The following BCL7B variants were observed in gnomAD, a reference collection of about 807,000 sequenced individuals.
BCL7B encodes the protein B-cell CLL/lymphoma 7 protein family member B.
A neutral mutation model predicts 26.5 loss-of-function variants in BCL7B; 11 were observed. The ratio of observed to expected loss-of-function variants is 0.42; its 90% confidence interval spans 0.26 to 0.69. The LOEUF (loss-of-function observed/expected upper bound fraction) is 0.69, where lower values mean the gene tolerates loss of function less well. BCL7B is among the 30% of genes least tolerant of loss of function. The probability of loss-of-function intolerance (pLI) is 0.28; values close to 1 mark genes in which losing one functional copy is unlikely to be tolerated. For synonymous variants in BCL7B, 111 were observed against 107.9 expected, an observed-to-expected ratio of 1.03 and a Z score of -0.18; for missense variants, 215 against 264.4, an observed-to-expected ratio of 0.81 and a Z score of 1.30.
intron 1 of BCL7B, among the ~76,000 whole-genome samples, chr7:73,556,159 T>C (rs1792353290): frequency 6.6e-6 from 1 of 152,192 alleles, no homozygotes; most frequent in Admixed American, 6.5e-5. Flanking sequence ...GTTAAACTAA[T>C]ATTTATACTG....
intron 4 of BCL7B, among the ~76,000 whole-genome samples, chr7:73,538,911 A>G (rs1554582478): frequency 6.6e-6 from 1 of 151,996 alleles, no homozygotes; most frequent in East Asian, 1.9e-4. Flanking sequence ...AGTGACATTC[A>G]TTCCAACAGT....
intron 3 of BCL7B, among the ~76,000 whole-genome samples, chr7:73,541,094 C>G (rs1791755159): frequency 6.6e-6 from 1 of 152,134 alleles, no homozygotes. Flanking sequence ...TTGCAGTGAG[C>G]TGAGATCGTG....
At chr7:73,542,340 G>T (rs1791800242) in intron 3 of BCL7B, among the ~76,000 whole-genome samples, 1 of 152,198 alleles carries the variant, frequency 6.6e-6, no homozygotes, top group Non-Finnish European at 1.5e-5. Flanking sequence ...GTTGACCTTG[G>T]TGGGGCCTGG....
In BCL7B at chr7:73,537,081, C is replaced by T. The variant is rs2115721399; in HGVS notation, c.*217G>A. On this transcript the variant is annotated 3_prime_UTR_variant, in exon 6 of 6. Transcript: ENST00000223368. The stretch of plus-strand genomic sequence containing the variant: ...CAGCCAACTTGGGGTGCAAAAAAGA[C>T]ATGAGCGCTCCTCTTCTCGGGAGCA... 1 of 460,036 alleles carries T rather than the reference C, an allele frequency of 2.2e-6. No homozygotes were observed. The highest frequency in any genetic ancestry group is 3.9e-6 in the Non-Finnish European group (1 of 254,354). The allele number at this position is 460,036 out of a possible 1,614,324, so 28.5% of individuals were successfully genotyped here. A position where few individuals can be genotyped will look rare whatever the true frequency, so the allele number is the denominator to read the frequency against.
chr7:73,547,273 G>T (rs1351388342), intron 2 of BCL7B, among the ~76,000 whole-genome samples: 1 of 151,204 alleles, frequency 6.6e-6, no homozygotes, highest in Non-Finnish European at 1.5e-5. Flanking sequence ...GACCAGCCTG[G>T]GAAATACAGC....
At chr7:73,537,793 CAG>C (rs1289205891) in intron 5 of BCL7B, 139 bp downstream of exon 5, 8 of 573,170 alleles carry the variant, frequency 1.4e-5, no homozygotes, top group Non-Finnish European at 2.1e-5. Context: ...GAGGCTGAAA[CAG>C]GAGAATTGCT....
chr7:73,541,250 C>T (rs1791761592), intron 3 of BCL7B, among the ~76,000 whole-genome samples: 1 of 152,174 alleles, frequency 6.6e-6, no homozygotes, highest in South Asian at 2.1e-4. Flanking sequence ...TTTCCCCCTC[C>T]TGCTCTGGTA....
chr7:73,542,944 TA>T, intron 3 of BCL7B: 28 of 400,654 alleles, frequency 7.0e-5, no homozygotes, highest in Middle Eastern at 3.6e-4. Context: ...AAGTACAATC[TA>T]AAAAAAAGCT....
intron 3 of BCL7B, 59 bp downstream of exon 3, chr7:73,543,489 T>C: frequency 6.7e-7 from 1 of 1,503,246 alleles, no homozygotes; most frequent in Admixed American, 1.7e-5. Flanking sequence ...ATTCTTCTTA[T>C]TAATGCATTC....
At chr7:73,551,097 C>T (rs1457532076) in intron 2 of BCL7B, among the ~76,000 whole-genome samples, 2 of 152,220 alleles carry the variant, frequency 1.3e-5, no homozygotes, top group African/African-American at 2.4e-5. Context: ...GATGTATATA[C>T]ATATGATACA....
intron 1 of BCL7B, among the ~76,000 whole-genome samples, chr7:73,553,132 T>C (rs914562817): frequency 2.7e-5 from 4 of 149,862 alleles, no homozygotes; most frequent in African/African-American, 7.4e-5. Context: ...GGGGTGGGGG[T>C]GGGGGGTCTC....
intron 2 of BCL7B, among the ~76,000 whole-genome samples, chr7:73,546,472 G>A (rs1367030818): frequency 6.6e-6 from 1 of 152,122 alleles, no homozygotes; most frequent in Non-Finnish European, 1.5e-5. Context: ...TTCGAGACCA[G>A]CCTAGCCAAT....
chr7:73,552,277 A>AC, intron 1 of BCL7B, 35 bp from the exon 2 acceptor site: 1 of 1,531,426 alleles, frequency 6.5e-7, no homozygotes, highest in Non-Finnish European at 9.0e-7. Flanking sequence ...CGGATAAAAC[A>AC]ATGCAATGTG....
intron 1 of BCL7B, chr7:73,557,283 C>A: frequency 3.5e-6 from 4 of 1,142,214 alleles, no homozygotes; most frequent in Non-Finnish European, 4.3e-6. Context: ...GTGGGCGGGC[C>A]CGCGAGCCGG....
At position 73,538,022 on chromosome 7, in the gene BCL7B, G is replaced by C; in HGVS notation, c.437-9C>G. 6.3e-7 allele frequency: 1 copy of C among 1,588,712 alleles called. No individual in the cohort carries two copies. Among genetic ancestry groups the C allele is most frequent in the Non-Finnish European group, 8.6e-7 (1 of 1,167,342 alleles). On this transcript the variant is annotated splice_polypyrimidine_tract_variant and intron_variant, in intron 4 of 5. Coordinates refer to ENST00000223368, the MANE Select transcript of BCL7B (RefSeq NM_001707.4). ...GGAGGGCAGGGAGGGCTCTGAAAAG[G>C]CAGTAGGGTCGGCCTGAGGGCAGGG...
In BCL7B at chr7:73,543,433, C is replaced by T. The variant is rs1359101379; in HGVS notation, c.265+115G>A. 6.4e-6 allele frequency: 6 copies of T among 943,784 alleles called. No individual in the cohort carries two copies. In the African/African-American group the frequency reaches 9.8e-5, roughly 15 times the overall value. The allele number at this position is 943,784 out of a possible 1,614,324, so 58.5% of individuals were successfully genotyped here. On this transcript the variant is annotated intron_variant, in intron 3 of 5. Coordinates refer to ENST00000223368, the MANE Select transcript of BCL7B (RefSeq NM_001707.4). Reference sequence around the variant, plus strand: ...CCTCAGGTGATCTGCCCGCCTCAGACTCCCAAAGTGCTGAGGTTACAGGTG... The same window carrying T: ...CCTCAGGTGATCTGCCCGCCTCAGATTCCCAAAGTGCTGAGGTTACAGGTG...
At chr7:73,540,843 A>AC (rs1340941452) in intron 3 of BCL7B, among the ~76,000 whole-genome samples, 1 of 146,054 alleles carries the variant, frequency 6.8e-6, no homozygotes, top group Non-Finnish European at 1.5e-5. Flanking sequence ...AAAAAAAAAA[A>AC]AAAAAAAAAA....
chr7:73,538,051 C>T, intron 4 of BCL7B, 38 bp from the exon 5 acceptor site: 2 of 1,435,438 alleles, frequency 1.4e-6, no homozygotes, highest in Non-Finnish European at 1.9e-6. Context: ...GGCAGGGCTC[C>T]CCTGAGGCCT....
chr7:73,557,528 G>A lies in BCL7B; in HGVS notation c.51C>T (p.Asp17=). 1 of 1,449,470 alleles carries A rather than the reference G, an allele frequency of 6.9e-7. No individual in the cohort carries two copies. Among genetic ancestry groups the A allele is most frequent in the Admixed American group, 2.3e-5 (1 of 43,618 alleles). 89.8% of individuals were successfully genotyped at this position (1,449,470 alleles called of 1,614,324 possible). ...RAETRSRAKD[D]IKKVMAAIEK... ...CGATGGCCGCCATCACCTTCTTGAT[G>A]TCGTCCTTGGCCCGGCTGCGGGTCT... Residue 17 remains aspartate (D), a synonymous_variant, in exon 1 of 6, where the codon GAC becomes GAT. Transcript: ENST00000223368.
Sources: gnomAD v4.1 joint callset for allele counts (sites outside exome capture counted in the v4.1 genomes callset) on GRCh38, gnomAD v4.1.1 for gene constraint, MANE v1.5 for transcripts, NCBI Gene and HGNC (gene_info 2026-07-23, HGNC 2026-07-21) for gene names.